Variants in CSMD1 observed in about 807,000 individuals in gnomAD.
CSMD1 encodes CUB and Sushi multiple domains 1.
Under a neutral mutation model 417.5 loss-of-function variants are expected in CSMD1, and 213 were observed. The observed-to-expected ratio is 0.51, with a 90% CI of 0.46 to 0.57. The LOEUF (loss-of-function observed/expected upper bound fraction) is 0.57. CSMD1 is among the 20% of genes least tolerant of loss of function. The pLI is 0.00. For missense variants in CSMD1, 6,923 were observed against 4,529.7 expected (o/e 1.53, Z -15.17); for synonymous variants, 2,862 against 1,736.8 (o/e 1.65, Z -16.11).
intron 5 of CSMD1, among the ~76,000 whole-genome samples, chr8:3,988,730 C>T (rs1239411403): frequency 6.6e-6 from 1 of 152,308 alleles, no homozygotes; most frequent in South Asian, 2.1e-4. Context: ...GATTTTCATT[C>T]ACAAAGTTGA....
At chr8:3,284,378 C>T (rs1178037636) in intron 25 of CSMD1, 32 bp from the exon 26 acceptor site, 5 of 1,538,154 alleles carry the variant, frequency 3.3e-6, no homozygotes, top group South Asian at 2.3e-5. Context: ...CGCTACTTGC[C>T]GTGCATCGAG....
chr8:3,651,127 G>C (rs868303092), intron 7 of CSMD1, among the ~76,000 whole-genome samples: 1 of 152,148 alleles, frequency 6.6e-6, no homozygotes, highest in Non-Finnish European at 1.5e-5. Context: ...ATCTTGTCTT[G>C]ATTACAGCAG....
chr8:3,432,344 T>G (rs1456755183), intron 12 of CSMD1, among the ~76,000 whole-genome samples: 1 of 152,144 alleles, frequency 6.6e-6, no homozygotes, highest in Non-Finnish European at 1.5e-5. Context: ...TGTTTACTCC[T>G]TAGCATTGTC....
chr8:4,002,716 T>C (rs1266184827), intron 4 of CSMD1, among the ~76,000 whole-genome samples: 3 of 152,160 alleles, frequency 2.0e-5, no homozygotes, highest in African/African-American at 4.8e-5. Flanking sequence ...GGACCCAATA[T>C]GATTAAATGT....
At chr8:3,358,503 T>C (rs9773092) in intron 21 of CSMD1, among the ~76,000 whole-genome samples, 3 of 152,142 alleles carry the variant, frequency 2.0e-5, no homozygotes, top group Admixed American at 6.5e-5. Flanking sequence ...AGTTCCCAGA[T>C]TGCTAATAAA....
intron 6 of CSMD1, among the ~76,000 whole-genome samples, chr8:3,736,520 C>G (rs1272622510): frequency 6.6e-6 from 1 of 152,196 alleles, no homozygotes; most frequent in East Asian, 1.9e-4. Context: ...GCTGGGATCA[C>G]TGGTGTGGAC....
At chr8:2,952,691 T>C (rs554214360) in intron 65 of CSMD1, among the ~76,000 whole-genome samples, 56 of 152,264 alleles carry the variant, frequency 3.7e-4, no homozygotes, top group African/African-American at 1.2e-3. Flanking sequence ...ATAAAAAATA[T>C]CTTCCCTAAT....
chr8:4,357,433 T>C lies in CSMD1; in HGVS notation c.415+62520A>G, dbSNP rs75828732. On this transcript the variant is annotated intron_variant, in intron 3 of 69. Coordinates refer to ENST00000635120, the MANE Select transcript of CSMD1 (RefSeq NM_033225.6). ...TCCAAGGCCAGAAATATTAAGAGTT[T>C]ATATTTTATCACCTCCAAGATACTT... Among the ~76,000 whole-genome samples the C allele has an allele frequency of 3.4e-3, 525 of 152,300 alleles. 24 individuals carry two copies. The East Asian group carries it at 0.088, about 26-fold the overall frequency.
intron 7 of CSMD1, among the ~76,000 whole-genome samples, chr8:3,628,671 C>A (rs979859739): frequency 6.6e-6 from 1 of 152,010 alleles, no homozygotes; most frequent in African/African-American, 2.4e-5. Flanking sequence ...CTCACAGGCG[C>A]CCCGAGAAGG....
At chr8:4,992,104 G>A (rs1188540542) in intron 1 of CSMD1, among the ~76,000 whole-genome samples, 3 of 152,178 alleles carry the variant, frequency 2.0e-5, no homozygotes, top group East Asian at 3.9e-4. Context: ...CGCAAGAGGA[G>A]CTCTCTTCCA....
chr8:4,070,658 C>T (rs369176864), intron 3 of CSMD1, among the ~76,000 whole-genome samples: 1 of 152,058 alleles, frequency 6.6e-6, no homozygotes, highest in African/African-American at 2.4e-5. Flanking sequence ...TGCCCGGCCA[C>T]CACCTATAAC....
intron 3 of CSMD1, among the ~76,000 whole-genome samples, chr8:4,102,412 T>C (rs908266692): frequency 6.6e-6 from 1 of 152,186 alleles, no homozygotes; most frequent in African/African-American, 2.4e-5. Context: ...CTGGAGAATA[T>C]TCTCCCTGAT....
chr8:4,982,497 A>G (rs953038523), intron 1 of CSMD1, among the ~76,000 whole-genome samples: 3 of 152,220 alleles, frequency 2.0e-5, no homozygotes, highest in Non-Finnish European at 4.4e-5. Flanking sequence ...CATTAAAGGC[A>G]TTAAAAAGTG....
chr8:4,291,272 G>C (rs897649805), intron 3 of CSMD1, among the ~76,000 whole-genome samples: 4 of 151,910 alleles, frequency 2.6e-5, no homozygotes, highest in African/African-American at 7.2e-5. Context: ...ATATTCAAAA[G>C]GATAAATATG....
chr8:3,334,392 C>T lies in CSMD1; in HGVS notation c.3631+8902G>A, dbSNP rs142345701. Among the ~76,000 whole-genome samples the T allele has an allele frequency of 2.5e-3, 378 of 152,272 alleles. 3 individuals carry two copies. The highest frequency in any genetic ancestry group is 8.7e-3 in the African/African-American group (360 of 41,556). On this transcript the variant is annotated intron_variant, in intron 23 of 69. Coordinates refer to ENST00000635120, the MANE Select transcript of CSMD1 (RefSeq NM_033225.6). ...AATGCTTAGTGCTTCTGTATCGGTC[C>T]TGAGAGTGTATTCCTGTCCAAAGCC...
At chr8:4,353,833 C>T (rs763845226) in intron 3 of CSMD1, among the ~76,000 whole-genome samples, 3 of 152,186 alleles carry the variant, frequency 2.0e-5, no homozygotes, top group Non-Finnish European at 2.9e-5. Flanking sequence ...CTTCTCTCCT[C>T]AGTGACCCGC....
chr8:4,569,506 T>A (rs528906373), intron 2 of CSMD1, among the ~76,000 whole-genome samples: 3 of 152,210 alleles, frequency 2.0e-5, no homozygotes, highest in Non-Finnish European at 4.4e-5. Context: ...GGTCTCTATA[T>A]CTGTTTTGGT....
At chr8:4,814,196 TTGTGTGTGTG>T (rs35824182) in intron 1 of CSMD1, among the ~76,000 whole-genome samples, 2 of 149,704 alleles carry the variant, frequency 1.3e-5, no homozygotes, top group East Asian at 3.9e-4. Flanking sequence ...CAGAATGATT[TTGTGTGTGTG>T]TGTGTGTGTG....
At chr8:4,461,218 A>T (rs1380096172) in intron 2 of CSMD1, among the ~76,000 whole-genome samples, 1 of 152,018 alleles carries the variant, frequency 6.6e-6, no homozygotes, top group Non-Finnish European at 1.5e-5. Flanking sequence ...ATTAACTAGC[A>T]ATGGGGAATT....
Sources: gnomAD v4.1 joint callset for allele counts (sites outside exome capture counted in the v4.1 genomes callset) on GRCh38, gnomAD v4.1.1 for gene constraint, MANE v1.5 for transcripts, NCBI Gene and HGNC (gene_info 2026-07-23, HGNC 2026-07-21) for gene names.